Variants in MTERF4 observed in about 807,000 individuals in gnomAD.
MTERF4 encodes transcription termination factor 4, mitochondrial.
A neutral mutation model predicts 22.5 loss-of-function variants in MTERF4; 17 were observed. That is an observed-to-expected ratio of 0.75 (90% CI 0.52 to 1.13). MTERF4 has a LOEUF of 1.13. MTERF4 is among the 50% of genes most tolerant of loss of function. MTERF4 has a pLI of 0.00. For missense variants in MTERF4, 420 were observed against 466.8 expected, an observed-to-expected ratio of 0.90 and a Z score of 0.92; for synonymous variants, 165 against 175.3, an observed-to-expected ratio of 0.94 and a Z score of 0.47.
downstream of MTERF4, chr2:241,090,532 T>C (rs1575157922): frequency 7.0e-7 from 1 of 1,420,590 alleles, no homozygotes; most frequent in Admixed American, 2.3e-5. Flanking sequence ...CTCTACATAA[T>C]TGTATGTGCT....
chr2:241,052,670 C>G, the MTERF4 span, among the ~76,000 whole-genome samples: 623 of 47,906 alleles, frequency 0.013, 25 homozygotes, highest in East Asian at 0.06. Flanking sequence ...ACACCGGTGC[C>G]AGGCAGGTGA....
rs2062973806 is a variant in MTERF4, at chr2:241,075,432, C to T, written n.730G>A. On this transcript the variant is annotated non_coding_transcript_exon_variant, in exon 5 of 5. Coordinates refer to the MTERF4 transcript ENST00000464344. The surrounding 1 kb of genome is among the most constrained non-coding windows in gnomAD (Gnocchi z 4.8). ...AGGCAGAACGGGTGGGATGCACACC[C>T]CTGGGATCTGGGTTTGCATCTCCTG... The T allele has an allele frequency of 1.3e-5, 2 of 152,182 alleles. No homozygotes were observed. The highest frequency in any genetic ancestry group is 1.3e-4 in the Admixed American group (2 of 15,272). 9.4% of individuals were successfully genotyped at this position (152,182 alleles called of 1,614,324 possible).
At chr2:241,045,286 T>C in the MTERF4 span, among the ~76,000 whole-genome samples, 1 of 152,200 alleles carries the variant, frequency 6.6e-6, no homozygotes, top group African/African-American at 2.4e-5. Flanking sequence ...GAATCTTTTG[T>C]AAATGTAGAC....
At chr2:241,082,592 G>C (rs1013938896), downstream of MTERF4, among the ~76,000 whole-genome samples, 1 of 152,194 alleles carries the variant, frequency 6.6e-6, no homozygotes, top group African/African-American at 2.4e-5. Flanking sequence ...GGGCTGAGAA[G>C]AACGCAGGCT....
At chr2:241,071,559 T>C (rs769619538), downstream of MTERF4, 2 of 1,573,148 alleles carry the variant, frequency 1.3e-6, no homozygotes, top group East Asian at 4.6e-5. Flanking sequence ...AGCCCCTTCC[T>C]CCTGCCTGCT....
downstream of MTERF4, chr2:241,071,582 G>A (rs768138264): frequency 1.9e-6 from 3 of 1,586,664 alleles, no homozygotes; most frequent in Non-Finnish European, 8.5e-7. Flanking sequence ...GCAGCCCCCA[G>A]GGATGGCGCT....
intron 4 of MTERF4, among the ~76,000 whole-genome samples, chr2:241,079,039 A>G (rs1224372617): frequency 2.0e-5 from 3 of 147,296 alleles, no homozygotes. Flanking sequence ...GCTTGAACCC[A>G]GGAGGCGGAG....
chr2:241,086,807 T>C (rs2063605522), downstream of MTERF4, among the ~76,000 whole-genome samples: 1 of 152,250 alleles, frequency 6.6e-6, no homozygotes, highest in Non-Finnish European at 1.5e-5. Context: ...ACAAAACGCC[T>C]TCCCATCCAT....
downstream of MTERF4, chr2:241,072,070 GA>G (rs2062755135): frequency 1.4e-6 from 1 of 704,888 alleles, no homozygotes; most frequent in South Asian, 1.5e-5. Context: ...TCCATGGCAG[GA>G]GGGGCAGCTC....
chr2:241,071,301 A>G, downstream of MTERF4: 1 of 542,044 alleles, frequency 1.8e-6, no homozygotes, highest in East Asian at 3.1e-5. Context: ...GCAGGGGCCT[A>G]GACTCAGCCC....
At position 241,096,055 on chromosome 2, in the gene MTERF4, C is replaced by G. The variant is rs10191807; in HGVS notation, c.1089G>C (p.Glu363Asp). ...EDDNDEDDDDEDDDEAEDNDE... is the reference protein window; with the variant it reads ...EDDNDEDDDDDDDDEAEDNDE... ...CATTGTCCTCCGCCTCGTCGTCGTC[C>G]TCATCATCGTCATCCTCATCATTGT... Residue 363 changes from glutamate to aspartate, a missense_variant, in exon 4 of 4, where the codon GAG (glutamate) becomes GAC (aspartate). Physicochemically the swap from Glu to Asp is conservative, Grantham distance 45. Transcript: ENST00000391980. This position sits in a 1 kb window ranked among gnomAD's most constrained non-coding sequence, Gnocchi z 5.1. 1.2e-6 allele frequency: 2 copies of G among 1,613,010 alleles called. No homozygotes were observed. The highest frequency in any genetic ancestry group is 1.7e-6 in the Non-Finnish European group (2 of 1,179,630).
At chr2:241,059,294 A>G in the MTERF4 span, among the ~76,000 whole-genome samples, 1 of 152,274 alleles carries the variant, frequency 6.6e-6, no homozygotes, top group Non-Finnish European at 1.5e-5. Flanking sequence ...TCACGGATGA[A>G]TTCTACCAAA....
chr2:241,068,291 G>A (rs982947403), downstream of MTERF4, among the ~76,000 whole-genome samples: 3 of 151,972 alleles, frequency 2.0e-5, no homozygotes, highest in Non-Finnish European at 2.9e-5. This position sits in a 1 kb window ranked among gnomAD's most constrained non-coding sequence, Gnocchi z 5.3. Flanking sequence ...GTAGATGGTA[G>A]CAGCCCCGAG....
the MTERF4 span, chr2:241,063,516 C>T: frequency 1.9e-5 from 19 of 985,520 alleles, 1 homozygote; most frequent in South Asian, 9.6e-5. Flanking sequence ...AGGAAATGCA[C>T]GGAATCCTGG....
chr2:241,097,510 C>T lies in MTERF4; in HGVS notation c.521-83G>A, dbSNP rs1346121742. 6 of 1,350,048 alleles carry T rather than the reference C, an allele frequency of 4.4e-6. No homozygotes were observed. The East Asian group carries it at 1.2e-4, about 26-fold the overall frequency. 83.6% of individuals were successfully genotyped at this position (1,350,048 alleles called of 1,614,324 possible). On this transcript the variant is annotated intron_variant, in intron 2 of 3. Coordinates refer to ENST00000391980, the MANE Select transcript of MTERF4 (RefSeq NM_182501.4). The stretch of plus-strand genomic sequence containing the variant: ...GAGCTAGCTGCACCCAATTTAAGTC[C>T]ACATTTAAAAACAAACAAGGATCCT...
At chr2:241,078,110 C>T (rs551580820) in intron 4 of MTERF4, among the ~76,000 whole-genome samples, 37 of 152,256 alleles carry the variant, frequency 2.4e-4, no homozygotes, top group East Asian at 7.7e-4. Flanking sequence ...AGTGGCCGGG[C>T]GCGGTGGCTC....
Position 241,099,557 on chromosome 2 carries a change from C to T in MTERF4, c.359G>A (p.Ser120Asn). The change falls in exon 2 of 4, where the codon AGT becomes AAT. Residue 120 changes from serine to asparagine, a missense_variant. Physicochemically the swap from Ser to Asn is conservative, Grantham distance 46. Transcript: ENST00000391980. ...AATGATGTCCAGCAACTGTTGAAGACTGGCACCTCGCCGTACACTGAGCAA... is the reference window on the plus strand; with the variant it reads ...AATGATGTCCAGCAACTGTTGAAGATTGGCACCTCGCCGTACACTGAGCAA... The part of the protein sequence containing the change: ...NELLSVRRGA[S>N]LQQLLDIISE... 6.2e-7 allele frequency: 1 copy of T among 1,614,236 alleles called. No homozygotes were observed. The highest frequency in any genetic ancestry group is 8.5e-7 in the Non-Finnish European group (1 of 1,180,042).
the MTERF4 span, chr2:241,053,222 CGGTGGCCCT>C: frequency 1.9e-6 from 3 of 1,609,288 alleles, no homozygotes; most frequent in East Asian, 6.7e-5. Flanking sequence ...CGGCTGGGCG[CGGTGGCCCT>C]GTATGCATGT....
the MTERF4 span, among the ~76,000 whole-genome samples, chr2:241,042,610 T>C: frequency 6.6e-6 from 1 of 152,194 alleles, no homozygotes; most frequent in Non-Finnish European, 1.5e-5. Context: ...TGTTTAATTA[T>C]CTATTATGAA....
Sources: gnomAD v4.1 joint callset for allele counts (sites outside exome capture counted in the v4.1 genomes callset) on GRCh38, gnomAD v4.1.1 for gene constraint, Gnocchi (gnomAD v3.1) non-coding constraint, MANE v1.5 for transcripts, NCBI Gene and HGNC (gene_info 2026-07-23, HGNC 2026-07-21) for gene names.